The following AK5 variants were observed in gnomAD, a reference collection of about 807,000 sequenced individuals.
AK5 encodes the protein adenylate kinase 5, also known as adenylate kinase isoenzyme 5.
AK5 carries 27 observed loss-of-function variants against 69.5 expected under a neutral mutation model. That is an observed-to-expected ratio of 0.39 (90% confidence interval 0.29 to 0.54). The LOEUF (loss-of-function observed/expected upper bound fraction) is 0.54. Among genes scored for constraint, AK5 ranks in the 20% least tolerant of loss-of-function variants. The pLI is 0.71. For missense variants in AK5, 531 were observed against 700.4 expected (o/e 0.76, Z 2.73); for synonymous variants, 260 against 244.4 (o/e 1.06, Z -0.60).
intron 8 of AK5, among the ~76,000 whole-genome samples, chr1:77,467,911 T>C (rs1042296034): frequency 6.6e-6 from 1 of 152,200 alleles, no homozygotes; most frequent in Non-Finnish European, 1.5e-5. Context: ...CCTCACCCGG[T>C]GCTCATAGCA....
intron 6 of AK5, among the ~76,000 whole-genome samples, chr1:77,372,674 G>A (rs932261475): frequency 6.6e-6 from 1 of 152,126 alleles, no homozygotes; most frequent in African/African-American, 2.4e-5. Flanking sequence ...GCAAAAAGTA[G>A]TATTGGGTAA....
chr1:77,491,498 G>C (rs1337291854), intron 10 of AK5, among the ~76,000 whole-genome samples: 1 of 151,866 alleles, frequency 6.6e-6, no homozygotes, highest in Non-Finnish European at 1.5e-5. Context: ...GTAGAGACGG[G>C]GTTTCACCAT....
chr1:77,558,693 G>A lies in AK5; in HGVS notation c.*23G>A, dbSNP rs1372641196. The A allele has an allele frequency of 1.4e-6, 2 of 1,475,608 alleles. No homozygotes were observed. The highest frequency in any genetic ancestry group is 2.7e-5 in the African/African-American group (2 of 72,920). 91.4% of individuals were successfully genotyped at this position (1,475,608 alleles called of 1,614,324 possible). ...TGAAGGCAAAAATGCATGTTTGTTAGAATGGAAACAGAAAAACATTAAAAA... is the reference window on the plus strand; with the variant it reads ...TGAAGGCAAAAATGCATGTTTGTTAAAATGGAAACAGAAAAACATTAAAAA... On this transcript the variant is annotated 3_prime_UTR_variant, in exon 14 of 14. Transcript: ENST00000354567.
rs1053854334 is a variant in AK5, at chr1:77,356,686, A to G, written c.891+16118A>G. 2.6e-5 allele frequency among the ~76,000 whole-genome samples: 4 copies of G among 152,284 alleles called. No homozygotes were observed. The South Asian group carries it at 8.3e-4, about 32-fold the overall frequency. On this transcript the variant is annotated intron_variant, in intron 6 of 13. Coordinates refer to ENST00000354567, the MANE Select transcript of AK5 (RefSeq NM_174858.3). ...CAGAAAAAGCACTAACAAGACACAGATATTCTTATTATTTTGATGAGATTG... is the reference window on the plus strand; with the variant it reads ...CAGAAAAAGCACTAACAAGACACAGGTATTCTTATTATTTTGATGAGATTG...
At chr1:77,282,642 C>A (rs749545210) in intron 1 of AK5, 4 of 1,215,494 alleles carry the variant, frequency 3.3e-6, no homozygotes, top group Non-Finnish European at 4.1e-6. Flanking sequence ...GCTCCCATCG[C>A]GCCCCTCGGA....
At chr1:77,444,061 G>T (rs1652510009) in intron 8 of AK5, among the ~76,000 whole-genome samples, 1 of 149,836 alleles carries the variant, frequency 6.7e-6, no homozygotes, top group African/African-American at 2.5e-5. Flanking sequence ...CTACATATTT[G>T]CTACTTTGTA....
At chr1:77,490,499 C>T (rs1335255060) in intron 10 of AK5, among the ~76,000 whole-genome samples, 3 of 152,154 alleles carry the variant, frequency 2.0e-5, no homozygotes, top group African/African-American at 7.2e-5. Context: ...GAAAGCAGCT[C>T]AGTAGCTGTT....
chr1:77,469,443 G>A (rs1204526090), intron 8 of AK5, among the ~76,000 whole-genome samples: 33 of 152,202 alleles, frequency 2.2e-4, no homozygotes, highest in Admixed American at 2.2e-3. Context: ...TTTGGCATAT[G>A]GCCCGCAGTG....
At chr1:77,440,438 A>G (rs1652253576) in intron 8 of AK5, among the ~76,000 whole-genome samples, 1 of 152,134 alleles carries the variant, frequency 6.6e-6, no homozygotes, top group African/African-American at 2.4e-5. Context: ...ATTTGACTAT[A>G]GTGTACTTTG....
intron 5 of AK5, among the ~76,000 whole-genome samples, chr1:77,318,042 A>T (rs1261530931): frequency 2.6e-5 from 4 of 152,248 alleles, no homozygotes; most frequent in African/African-American, 9.6e-5. Flanking sequence ...TGAAGCACTG[A>T]AATTGGAGCA....
At chr1:77,417,789 T>G in intron 8 of AK5, 74 bp downstream of exon 8, 1 of 946,692 alleles carries the variant, frequency 1.1e-6, no homozygotes, top group Admixed American at 2.4e-5. Flanking sequence ...TTATGAAAAT[T>G]TGAATTATAA....
At chr1:77,414,223 G>C (rs190410892) in intron 7 of AK5, among the ~76,000 whole-genome samples, 345 of 152,170 alleles carry the variant, frequency 2.3e-3, no homozygotes, top group African/African-American at 8.0e-3. Context: ...TTTAATTTTC[G>C]TTAAAATTAA....
chr1:77,519,828 T>C (rs1430681782), intron 11 of AK5, among the ~76,000 whole-genome samples: 2 of 152,208 alleles, frequency 1.3e-5, no homozygotes, highest in African/African-American at 4.8e-5. Context: ...TTTACCCAGT[T>C]TCTCTACTGC....
chr1:77,549,157 T>A (rs1659687821), intron 13 of AK5, among the ~76,000 whole-genome samples: 1 of 152,158 alleles, frequency 6.6e-6, no homozygotes, highest in South Asian at 2.1e-4. Flanking sequence ...ATTACAGGCA[T>A]GAGCCACCGT....
chr1:77,514,197 T>A (rs1657511206), intron 10 of AK5, among the ~76,000 whole-genome samples: 1 of 152,106 alleles, frequency 6.6e-6, no homozygotes, highest in Non-Finnish European at 1.5e-5. Context: ...TTCCACAATC[T>A]CTTTGTGAAT....
chr1:77,546,265 C>T (rs1659540249), intron 13 of AK5, among the ~76,000 whole-genome samples: 1 of 152,118 alleles, frequency 6.6e-6, no homozygotes, highest in Admixed American at 6.6e-5. Context: ...GTTAGGGCAC[C>T]CCCTTCACTG....
At chr1:77,452,330 G>A (rs992361829) in intron 8 of AK5, among the ~76,000 whole-genome samples, 47 of 152,204 alleles carry the variant, frequency 3.1e-4, no homozygotes, top group Admixed American at 2.4e-3. Flanking sequence ...AAATGCCTGT[G>A]GAATTATGAA....
chr1:77,291,181 C>T (rs1344105169), intron 2 of AK5, among the ~76,000 whole-genome samples: 2 of 152,142 alleles, frequency 1.3e-5, no homozygotes, highest in African/African-American at 2.4e-5. Context: ...AAAGAGAGAG[C>T]AGAAAGATAC....
At chr1:77,551,257 A>T (rs750935443) in intron 13 of AK5, among the ~76,000 whole-genome samples, 15 of 152,090 alleles carry the variant, frequency 9.9e-5, no homozygotes, top group Non-Finnish European at 1.8e-4. Flanking sequence ...ACCTTCTATA[A>T]GACAACAGAA....
Sources: gnomAD v4.1 joint callset for allele counts (sites outside exome capture counted in the v4.1 genomes callset) on GRCh38, gnomAD v4.1.1 for gene constraint, MANE v1.5 for transcripts, NCBI Gene and HGNC (gene_info 2026-07-23, HGNC 2026-07-21) for gene names.